The following SDK2 variants were observed in gnomAD, a reference collection of about 807,000 sequenced individuals.
SDK2 encodes sidekick cell adhesion molecule 2, also known as protein sidekick-2.
A neutral mutation model predicts 253.9 loss-of-function variants in SDK2; 105 were observed. The observed-to-expected ratio is 0.41, with a 90% CI of 0.35 to 0.49. The LOEUF (loss-of-function observed/expected upper bound fraction) is 0.49. SDK2 is among the 20% of genes least tolerant of loss of function. The pLI is 0.06. For synonymous variants in SDK2, 1,249 were observed against 1,234.9 expected (o/e 1.01, Z -0.24); for missense variants, 2,608 against 3,003.0 (o/e 0.87, Z 3.07).
chr17:73,643,978 C>CCA lies in SDK2; in HGVS notation c.64+46_64+47insTG. 1 of 1,223,472 alleles carries CCA rather than the reference C, an allele frequency of 8.2e-7. No individual in the cohort carries two copies. Among genetic ancestry groups the CCA allele is most frequent in the Non-Finnish European group, 1.2e-6 (1 of 858,390 alleles). 75.8% of individuals were successfully genotyped at this position (1,223,472 alleles called of 1,614,324 possible). A position where few individuals can be genotyped will look rare whatever the true frequency, so the allele number is the denominator to read the frequency against. ...CAGCTCCCGCCGCCCCTCCCCCGCC[C>CCA]ACTCTCCCAGCCCCCTCCCTGTCCC... On this transcript the variant is annotated intron_variant, in intron 1 of 44. Coordinates refer to ENST00000392650, the MANE Select transcript of SDK2 (RefSeq NM_001144952.2). The surrounding 1 kb of genome is among the most constrained non-coding windows in gnomAD (Gnocchi z 6.9).
intron 39 of SDK2, among the ~76,000 whole-genome samples, chr17:73,359,644 G>T (rs2062624686): frequency 6.6e-6 from 1 of 152,130 alleles, no homozygotes; most frequent in South Asian, 2.1e-4. Context: ...TGGGAGGATG[G>T]CTTCTTTATT....
At chr17:73,392,221 C>T in intron 27 of SDK2, among the ~76,000 whole-genome samples, 1 of 1,078 alleles carries the variant, frequency 9.3e-4, no homozygotes, top group Middle Eastern at 0.17. Flanking sequence ...GAGGGGCACT[C>T]TTCTGTGTTG....
intron 1 of SDK2, among the ~76,000 whole-genome samples, chr17:73,553,784 C>T (rs115650991): frequency 0.024 from 3,708 of 152,316 alleles, 148 homozygotes; most frequent in African/African-American, 0.085. Context: ...GGGGGCATGA[C>T]CAGCTCCAGC....
At chr17:73,619,232 G>C (rs532386590) in intron 1 of SDK2, among the ~76,000 whole-genome samples, 7 of 151,846 alleles carry the variant, frequency 4.6e-5, no homozygotes, top group African/African-American at 1.7e-4. Flanking sequence ...GCAGACACCG[G>C]AGAGAACTGG....
In SDK2 at chr17:73,609,926, A is replaced by G. The variant is rs1234280200; in HGVS notation, c.64+34099T>C. On this transcript the variant is annotated intron_variant, in intron 1 of 44. Transcript: ENST00000392650. The surrounding 1 kb of genome is among the most constrained non-coding windows in gnomAD (Gnocchi z 4.4). Reference sequence around the variant, plus strand: ...GGAGACAAAAACAGCTCACTGGAGCAAGGGCTGGGACTGGTAGTAGGTGCG... The same window carrying G: ...GGAGACAAAAACAGCTCACTGGAGCGAGGGCTGGGACTGGTAGTAGGTGCG... 1.3e-5 allele frequency among the ~76,000 whole-genome samples: 2 copies of G among 152,240 alleles called. No homozygotes were observed. Among genetic ancestry groups the G allele is most frequent in the South Asian group, 4.1e-4 (2 of 4,836 alleles).
At chr17:73,549,860 A>C (rs1231493523) in intron 1 of SDK2, among the ~76,000 whole-genome samples, 1 of 152,182 alleles carries the variant, frequency 6.6e-6, no homozygotes, top group Non-Finnish European at 1.5e-5. Context: ...TTTCTGTAAC[A>C]GAAAGATCAC....
At chr17:73,542,920 C>T (rs932088811) in intron 1 of SDK2, among the ~76,000 whole-genome samples, 1 of 152,130 alleles carries the variant, frequency 6.6e-6, no homozygotes, top group African/African-American at 2.4e-5. Flanking sequence ...CATAAGACAC[C>T]CTCCCCTAGG....
In SDK2 at chr17:73,432,831, CATGT is replaced by C. The variant is rs375895640; in HGVS notation, c.1312+897_1312+900del. Among the ~76,000 whole-genome samples, 148 of 149,468 alleles carry C rather than the reference CATGT, an allele frequency of 9.9e-4. 1 individual carries two copies. The highest frequency in any genetic ancestry group is 3.0e-3 in the African/African-American group (125 of 41,248). ...GTGTGCACATGTGTATGTACGTGTG[CATGT>C]ATGTGTGTGCATGTGTGTGCACATG... On this transcript the variant is annotated intron_variant, in intron 10 of 44. Transcript: ENST00000392650.
intron 36 of SDK2, among the ~76,000 whole-genome samples, chr17:73,372,181 C>T (rs917255327): frequency 1.3e-5 from 2 of 152,058 alleles, no homozygotes; most frequent in East Asian, 1.9e-4. Flanking sequence ...TGTTTGTGAG[C>T]GCTGCATTCT....
Position 73,461,836 on chromosome 17 carries a change from T to C in SDK2, c.332-5783A>G, listed in dbSNP as rs1032718388. The stretch of plus-strand genomic sequence containing the variant: ...GTTTGGATGGTGGGATGGATGGTTG[T>C]GTTTGCTTGTATGCCTGTACGTTTA... On this transcript the variant is annotated intron_variant, in intron 3 of 44. Transcript: ENST00000392650. 5.3e-5 allele frequency among the ~76,000 whole-genome samples: 8 copies of C among 152,278 alleles called. 1 individual carries two copies. Among genetic ancestry groups the C allele is most frequent in the East Asian group, 1.9e-4 (1 of 5,184 alleles).
At chr17:73,504,189 CGTGCGT>C (rs147428101) in intron 2 of SDK2, among the ~76,000 whole-genome samples, 6,700 of 89,236 alleles carry the variant, frequency 0.075, 458 homozygotes, top group African/African-American at 0.22. Context: ...TGGAGCAGTG[CGTGCGT>C]GTGTGTGTGT....
intron 2 of SDK2, among the ~76,000 whole-genome samples, chr17:73,483,092 G>T (rs560531628): frequency 2.0e-5 from 3 of 151,794 alleles, no homozygotes; most frequent in Admixed American, 6.6e-5. Context: ...ATACCTGCCC[G>T]CCCTGACCCG....
chr17:73,364,887 T>G (rs1009645631), intron 38 of SDK2, among the ~76,000 whole-genome samples: 1 of 152,180 alleles, frequency 6.6e-6, no homozygotes, highest in African/African-American at 2.4e-5. Context: ...CCTCCCAAAG[T>G]GCTGTCATTA....
rs754667962 is a variant in SDK2, at chr17:73,395,345, A to G, written c.3402T>C (p.Tyr1134=). ...EYNGNPESVG[Y]KIKYSRSDGH... ...CGTCTGACCGGCTGTACTTGATCTT[A>G]TAGCCCACGGACTCAGGGTTCCCAT... Residue 1134 remains tyrosine, a synonymous_variant, in exon 25 of 45, where the codon TAT becomes TAC. Transcript: ENST00000392650. This position sits in a 1 kb window ranked among gnomAD's most constrained non-coding sequence, Gnocchi z 4.3. 2 of 1,613,922 alleles carry G rather than the reference A, an allele frequency of 1.2e-6. No individual in the cohort carries two copies. Among genetic ancestry groups the G allele is most frequent in the Non-Finnish European group, 1.7e-6 (2 of 1,179,886 alleles).
chr17:73,513,952 G>A (rs2064001753), intron 1 of SDK2, among the ~76,000 whole-genome samples: 1 of 152,242 alleles, frequency 6.6e-6, no homozygotes, highest in South Asian at 2.1e-4. Flanking sequence ...ATGGATCCCA[G>A]TGACACTTGA....
intron 1 of SDK2, among the ~76,000 whole-genome samples, chr17:73,594,454 G>A (rs1211728219): frequency 3.9e-5 from 6 of 152,090 alleles, no homozygotes; most frequent in Admixed American, 2.6e-4. Flanking sequence ...GGAAAGTGTT[G>A]GTGGTGGGGA....
intron 1 of SDK2, among the ~76,000 whole-genome samples, chr17:73,530,677 C>A (rs1002892464): frequency 2.0e-5 from 3 of 152,206 alleles, no homozygotes; most frequent in African/African-American, 7.2e-5. Context: ...CCACATGCAT[C>A]CCTTTCACCT....
intron 3 of SDK2, among the ~76,000 whole-genome samples, chr17:73,458,250 T>C (rs2063541283): frequency 6.6e-6 from 1 of 152,210 alleles, no homozygotes; most frequent in South Asian, 2.1e-4. Context: ...AGACCAGACC[T>C]GAGTATTTCT....
In SDK2 at chr17:73,642,517, G is replaced by C. The variant is rs982795624; in HGVS notation, c.64+1508C>G. ...TCCTCCTGGGACCCCTCAGAGAGGG[G>C]GCCCAGACCAAGGAGACCCCATGCA... On this transcript the variant is annotated intron_variant, in intron 1 of 44. Coordinates refer to ENST00000392650, the MANE Select transcript of SDK2 (RefSeq NM_001144952.2). The surrounding 1 kb of genome is among the most constrained non-coding windows in gnomAD (Gnocchi z 4.7). Among the ~76,000 whole-genome samples, 1 of 152,120 alleles carries C rather than the reference G, an allele frequency of 6.6e-6. No individual in the cohort carries two copies. The highest frequency in any genetic ancestry group is 1.5e-5 in the Non-Finnish European group (1 of 68,022).
Sources: gnomAD v4.1 joint callset for allele counts (sites outside exome capture counted in the v4.1 genomes callset) on GRCh38, gnomAD v4.1.1 for gene constraint, Gnocchi (gnomAD v3.1) non-coding constraint, MANE v1.5 for transcripts, NCBI Gene and HGNC (gene_info 2026-07-23, HGNC 2026-07-21) for gene names.